KIR2DL3: variants seen among roughly 807,000 people sequenced by gnomAD.
KIR2DL3 encodes the protein killer cell immunoglobulin-like receptor 2DL3.
In KIR2DL3, 39 loss-of-function variants were observed where a neutral mutation model predicts 33.8. The observed-to-expected ratio is 1.15, with a 90% CI of 0.89 to 1.51. KIR2DL3 has a LOEUF of 1.51. Among genes scored for constraint, KIR2DL3 ranks in the 40% most tolerant of loss-of-function variants. KIR2DL3 has a pLI of 0.00. For missense variants in KIR2DL3, 462 were observed against 426.2 expected (o/e 1.08, Z -0.74); for synonymous variants, 174 against 160.2 (o/e 1.09, Z -0.65).
chr19:54,746,573 A>G (rs1555910177), intron 4 of KIR2DL3, among the ~76,000 whole-genome samples: 20,636 of 119,980 alleles, frequency 0.17, 998 homozygotes, highest in South Asian at 0.22. Context: ...TTTTGTGTAT[A>G]GTGACAGGTA....
intron 1 of KIR2DL3, 63 bp from the exon 2 acceptor site, chr19:54,739,444 G>C (rs1250079293): frequency 2.7e-6 from 4 of 1,494,686 alleles, no homozygotes; most frequent in Admixed American, 3.4e-5. Flanking sequence ...CAGCCCAGTG[G>C]GGGCAGCAAG....
intron 3 of KIR2DL3, 81 bp from the exon 4 acceptor site, chr19:54,743,714 A>G: frequency 1.8e-6 from 2 of 1,105,234 alleles, no homozygotes; most frequent in South Asian, 1.5e-5. Flanking sequence ...GTCATAGAGC[A>G]GGGGAGTGAG....
At chr19:54,744,919 A>ATGTGTATATATAT (rs1568969043) in intron 4 of KIR2DL3, among the ~76,000 whole-genome samples, 1 of 41,018 alleles carries the variant, frequency 2.4e-5, no homozygotes, top group Non-Finnish European at 5.4e-5. Context: ...CACATATATA[A>ATGTGTATATATAT]ACATATATAT....
At chr19:54,744,897 TACACACACACACACATATATAAAC>T (rs1285722032) in intron 4 of KIR2DL3, among the ~76,000 whole-genome samples, 138 of 56,884 alleles carry the variant, frequency 2.4e-3, no homozygotes, top group African/African-American at 3.1e-3. Context: ...TATATATATA[TACACACACACACACATATATAAAC>T]ATATATATAT....
Position 54,747,520 on chromosome 19 carries a change from C to A in KIR2DL3, c.715+135C>A, listed in dbSNP as rs546908631. The A allele has an allele frequency of 1.0e-3, 1,239 of 1,203,442 alleles. 5 individuals are homozygous for A. In the African/African-American group the frequency reaches 0.017, roughly 16 times the overall value. 74.5% of individuals were successfully genotyped at this position (1,203,442 alleles called of 1,614,324 possible). On this transcript the variant is annotated intron_variant, in intron 5 of 7. Coordinates refer to ENST00000342376, the MANE Select transcript of KIR2DL3 (RefSeq NM_015868.3). ...CTACCATCTCCGAACTCCAGATACT[C>A]CAACAGCGAAAGGGATCTGGGCCCA...
intron 5 of KIR2DL3, among the ~76,000 whole-genome samples, chr19:54,750,989 C>T (rs2073333599): frequency 7.5e-6 from 1 of 133,986 alleles, no homozygotes. Flanking sequence ...TGAGACGTTC[C>T]TCCTGATCTC....
intron 4 of KIR2DL3, among the ~76,000 whole-genome samples, chr19:54,744,882 A>G (rs11880144): frequency 1.1e-5 from 1 of 87,712 alleles, no homozygotes; most frequent in Non-Finnish European, 2.3e-5. Flanking sequence ...ATATATATAT[A>G]TATATATATA....
chr19:54,742,138 C>T lies in KIR2DL3; in HGVS notation c.229C>T (p.His77Tyr), dbSNP rs371975511. 5.6e-6 allele frequency: 9 copies of T among 1,613,708 alleles called. No individual in the cohort carries two copies. In the African/African-American group the frequency reaches 1.1e-4, roughly 19 times the overall value. ...KDTLHLIGEH[H>Y]DGVSKANFSI... Reference sequence around the variant, plus strand: ...CACTTTGCACCTCATTGGAGAGCACCATGATGGGGTCTCCAAGGCCAACTT... The same window carrying T: ...CACTTTGCACCTCATTGGAGAGCACTATGATGGGGTCTCCAAGGCCAACTT... The change falls in exon 3 of 8, where the codon CAT (histidine) becomes TAT (tyrosine). Residue 77 changes from histidine (H) to tyrosine (Y), a missense_variant. His to Tyr is a moderately conservative substitution (Grantham distance 83, BLOSUM62 2). Transcript: ENST00000342376.
At chr19:54,739,943 A>G (rs2070703346) in intron 2 of KIR2DL3, among the ~76,000 whole-genome samples, 1 of 152,068 alleles carries the variant, frequency 6.6e-6, no homozygotes, top group African/African-American at 2.4e-5. Context: ...TCAGTTGTTT[A>G]TTTTCGTTCA....
In KIR2DL3 at chr19:54,752,642, G is replaced by A. The variant is rs554991021; in HGVS notation, c.*123G>A. 116 of 1,272,940 alleles carry A rather than the reference G, an allele frequency of 9.1e-5. 18 individuals carry two copies. The highest frequency in any genetic ancestry group is 4.0e-4 in the Admixed American group (21 of 53,148). The allele number at this position is 1,272,940 out of a possible 1,614,324, so 78.9% of individuals were successfully genotyped here. A position where few individuals can be genotyped will look rare whatever the true frequency, so the allele number is the denominator to read the frequency against. On this transcript the variant is annotated 3_prime_UTR_variant, in exon 8 of 8. Transcript: ENST00000342376. ...AATGTACCAGCAGCTGGAATCTGAAGGCGTGAGTCTGCATCTTAGGGCATC... is the reference window on the plus strand; with the variant it reads ...AATGTACCAGCAGCTGGAATCTGAAAGCGTGAGTCTGCATCTTAGGGCATC...
chr19:54,742,259 C>T lies in KIR2DL3; in HGVS notation c.350C>T (p.Pro117Leu). ...SPYQLSAPSD[P>L]LDIVITGLYE... ...TATCAGTTGTCAGCTCCCAGTGACC[C>T]TCTGGACATCGTCATCACAGGTGAG... Residue 117 changes from proline to leucine, a missense_variant, in exon 3 of 8, where the codon CCT becomes CTT. Pro to Leu is a moderately conservative substitution (Grantham distance 98). Transcript: ENST00000342376. 8 of 1,614,172 alleles carry T rather than the reference C, an allele frequency of 5.0e-6. 1 individual carries two copies. The highest frequency in any genetic ancestry group is 8.5e-7 in the Non-Finnish European group (1 of 1,180,030).
At chr19:54,743,185 A>G (rs1340206798) in intron 3 of KIR2DL3, among the ~76,000 whole-genome samples, 1 of 152,186 alleles carries the variant, frequency 6.6e-6, no homozygotes, top group Non-Finnish European at 1.5e-5. Context: ...AAATAGGTAG[A>G]TGATAGATAA....
chr19:54,740,514 G>A (rs2070838416), intron 2 of KIR2DL3, among the ~76,000 whole-genome samples: 1 of 151,678 alleles, frequency 6.6e-6, no homozygotes, highest in African/African-American at 2.4e-5. Context: ...CCAGTGGGTG[G>A]TCAGCACCCA....
chr19:54,743,570 C>A (rs1197944128), intron 3 of KIR2DL3, among the ~76,000 whole-genome samples: 1 of 151,836 alleles, frequency 6.6e-6, no homozygotes, highest in South Asian at 2.1e-4. Flanking sequence ...ATAAAAGAAT[C>A]CAAAAAGGGA....
intron 5 of KIR2DL3, among the ~76,000 whole-genome samples, chr19:54,750,832 T>C (rs2073310028): frequency 7.5e-6 from 1 of 134,126 alleles, no homozygotes; most frequent in Non-Finnish European, 1.6e-5. Flanking sequence ...TCGGGACATA[T>C]GGAGTCACCC....
intron 4 of KIR2DL3, among the ~76,000 whole-genome samples, chr19:54,746,011 T>C (rs624703): frequency 0.43 from 47,879 of 111,568 alleles, 15,123 homozygotes; most frequent in Middle Eastern, 0.57. Context: ...CAGTGTTTCT[T>C]CATGTGGGTC....
rs749473316 is a variant in KIR2DL3, at chr19:54,742,168, A to T, written c.259A>T (p.Ile87Phe). ...TGGGGTCTCCAAGGCCAACTTCTCC[A>T]TCGGTCCCATGATGCAAGACCTTGC... ...HDGVSKANFS[I>F]GPMMQDLAGT... is the part of the protein sequence containing the mutation. The change falls in exon 3 of 8, where the codon ATC (isoleucine) becomes TTC (phenylalanine). Residue 87 changes from isoleucine to phenylalanine, a missense_variant. Physicochemically the swap from Ile to Phe is conservative, Grantham distance 21. Transcript: ENST00000342376. The T allele has an allele frequency of 1.2e-6, 2 of 1,614,030 alleles. No homozygotes were observed. Among genetic ancestry groups the T allele is most frequent in the Non-Finnish European group, 1.7e-6 (2 of 1,180,016 alleles).
At chr19:54,738,932 G>A (rs1307430885) in intron 1 of KIR2DL3, among the ~76,000 whole-genome samples, 2 of 93,476 alleles carry the variant, frequency 2.1e-5, no homozygotes, top group Admixed American at 2.3e-4. Flanking sequence ...GCCTGGAGGT[G>A]GAGATATGGG....
rs1375705580 is a variant in KIR2DL3, at chr19:54,741,980, G to A, written c.71G>A (p.Gly24Glu). ...CTAAACTCACAACCTCTCTTCCTAG[G>A]AGTCCACAGAAAACCTTCCCTCCTG... ...FLLQGAWPHE[G>E]VHRKPSLLAH... Residue 24 changes from glycine to glutamate, a missense_variant and splice_region_variant, in exon 3 of 8, where the codon GGA becomes GAA. Coordinates refer to ENST00000342376, the MANE Select transcript of KIR2DL3 (RefSeq NM_015868.3). 5.4e-4 allele frequency: 869 copies of A among 1,603,716 alleles called. No individual in the cohort carries two copies. The Middle Eastern group carries it at 8.7e-3, about 16-fold the overall frequency.
Sources: gnomAD v4.1 joint callset for allele counts (sites outside exome capture counted in the v4.1 genomes callset) on GRCh38, gnomAD v4.1.1 for gene constraint, MANE v1.5 for transcripts, NCBI Gene and HGNC (gene_info 2026-07-23, HGNC 2026-07-21) for gene names.